The following RAB3GAP2 variants were observed in gnomAD, a reference collection of about 807,000 sequenced individuals.
The protein encoded by RAB3GAP2 is RAB3 GTPase activating non-catalytic protein subunit 2, also known as rab3 GTPase-activating protein non-catalytic subunit.
RAB3GAP2 carries 87 observed loss-of-function variants against 185.3 expected under a neutral mutation model. The observed-to-expected ratio is 0.47, with a 90% CI of 0.39 to 0.56. RAB3GAP2 has a LOEUF of 0.56. RAB3GAP2 is among the 20% of genes least tolerant of loss of function. The pLI, the probability that RAB3GAP2 is intolerant of heterozygous loss-of-function variation, is 0.00. For synonymous variants in RAB3GAP2, 554 were observed against 576.1 expected (o/e 0.96, Z 0.55); for missense variants, 1,492 against 1,638.2 (o/e 0.91, Z 1.54).
At chr1:220,258,462 T>C (rs1364947487) in intron 1 of RAB3GAP2, among the ~76,000 whole-genome samples, 1 of 151,958 alleles carries the variant, frequency 6.6e-6, no homozygotes, top group Non-Finnish European at 1.5e-5. Flanking sequence ...ATTTATCACA[T>C]AAACAGAACT....
chr1:220,210,165 T>A (rs1659051936), intron 7 of RAB3GAP2, among the ~76,000 whole-genome samples: 1 of 152,200 alleles, frequency 6.6e-6, no homozygotes, highest in African/African-American at 2.4e-5. Context: ...AGGGTTTTAC[T>A]TTGTTGTAGA....
intron 1 of RAB3GAP2, 139 bp from the exon 2 acceptor site, chr1:220,233,002 A>G: frequency 1.4e-6 from 1 of 700,004 alleles, no homozygotes; most frequent in South Asian, 1.7e-5. Context: ...ACTGTGTTAT[A>G]CCAGGATTTT....
intron 31 of RAB3GAP2, among the ~76,000 whole-genome samples, chr1:220,154,892 T>C (rs1274966853): frequency 6.6e-6 from 1 of 152,026 alleles, no homozygotes; most frequent in Non-Finnish European, 1.5e-5. Context: ...AGGCTAATTT[T>C]TTTGTATTTT....
rs557341121 is a variant in RAB3GAP2 at position 220,159,503 on chromosome 1, C to T, written c.3226-82G>A. 6.4e-6 allele frequency: 7 copies of T among 1,100,164 alleles called. No individual in the cohort carries two copies. In the African/African-American group the frequency reaches 6.4e-5, roughly 10 times the overall value. The allele number at this position is 1,100,164 out of a possible 1,614,324, so 68.2% of individuals were successfully genotyped here. On this transcript the variant is annotated intron_variant, in intron 28 of 34. Coordinates refer to ENST00000358951, the MANE Select transcript of RAB3GAP2 (RefSeq NM_012414.4). ...CTATGGCACAAATAATAAAAAGTAA[C>T]CGAATTTAAAAACCGTAAATGGCGC...
chr1:220,161,760 T>A (rs1351304658), intron 28 of RAB3GAP2, among the ~76,000 whole-genome samples: 4 of 152,174 alleles, frequency 2.6e-5, no homozygotes, highest in African/African-American at 4.8e-5. Flanking sequence ...GGACTCAGAT[T>A]ACACAACAAC....
At position 220,257,800 on chromosome 1, in the gene RAB3GAP2, T is replaced by A. The variant is rs559089134; in HGVS notation, c.115+14423A>T. Among the ~76,000 whole-genome samples, 16 of 151,994 alleles carry A rather than the reference T, an allele frequency of 1.1e-4. No individual in the cohort carries two copies. The South Asian group carries it at 2.1e-3, about 20-fold the overall frequency. The stretch of plus-strand genomic sequence containing the variant: ...TCAATGCATTCAGGAGCTGGTTTTT[T>A]AAAAAAATTAATAAAATAGATAGAA... On this transcript the variant is annotated intron_variant, in intron 1 of 34. Transcript: ENST00000358951.
chr1:220,195,203 C>A, intron 11 of RAB3GAP2, 36 bp from the exon 12 acceptor site: 1 of 1,610,364 alleles, frequency 6.2e-7, no homozygotes, highest in South Asian at 1.1e-5. Flanking sequence ...TAAAACTGAG[C>A]TTCCAGGGTT....
rs549135701 is a variant in RAB3GAP2 at position 220,150,505 on chromosome 1, T to G, written c.*746A>C. On this transcript the variant is annotated 3_prime_UTR_variant, in exon 35 of 35. Transcript: ENST00000358951. The stretch of plus-strand genomic sequence containing the variant: ...TTTACAAGATAATACATTTTTACAG[T>G]GACCTGATGTGGATACAACTTTGCA... 1.3e-5 allele frequency: 2 copies of G among 151,756 alleles called. No homozygotes were observed. The highest frequency in any genetic ancestry group is 1.3e-4 in the Admixed American group (2 of 15,104). The allele number at this position is 151,756 out of a possible 1,614,324, so 9.4% of individuals were successfully genotyped here.
chr1:220,189,919 C>A, intron 16 of RAB3GAP2, 145 bp downstream of exon 16: 2 of 1,040,182 alleles, frequency 1.9e-6, no homozygotes, highest in East Asian at 2.6e-5. Context: ...AATTATAACA[C>A]CCTCTAGATG....
intron 7 of RAB3GAP2, among the ~76,000 whole-genome samples, chr1:220,210,028 T>G (rs1659049831): frequency 1.3e-5 from 2 of 152,214 alleles, no homozygotes; most frequent in African/African-American, 4.8e-5. Flanking sequence ...AAATTTTTTT[T>G]CTTTTACTCT....
chr1:220,149,176 AAGT>A lies in RAB3GAP2; in HGVS notation c.*2072_*2074del, dbSNP rs1657691952. On this transcript the variant is annotated 3_prime_UTR_variant, in exon 35 of 35. Transcript: ENST00000358951. ...TTTATTTATTTTAAAAGCCCTTGAT[AAGT>A]AGTAAAATATTTAACTGCTTTTCTT... 1.3e-5 allele frequency: 2 copies of A among 152,218 alleles called. No individual in the cohort carries two copies. The highest frequency in any genetic ancestry group is 2.4e-5 in the African/African-American group (1 of 41,460). The allele number at this position is 152,218 out of a possible 1,614,324, so 9.4% of individuals were successfully genotyped here. A position where few individuals can be genotyped will look rare whatever the true frequency, so the allele number is the denominator to read the frequency against.
intron 8 of RAB3GAP2, among the ~76,000 whole-genome samples, chr1:220,205,697 C>T (rs528094252): frequency 6.6e-6 from 1 of 152,170 alleles, no homozygotes; most frequent in Non-Finnish European, 1.5e-5. Context: ...CCAAAGGCAA[C>T]GTGTGAAGAG....
In RAB3GAP2 at chr1:220,151,639, A is replaced by G. The variant is rs774178629; in HGVS notation, c.3993T>C (p.Leu1331=). The G allele has an allele frequency of 1.7e-5, 28 of 1,612,138 alleles. No individual in the cohort carries two copies. The South Asian group carries it at 3.0e-4, about 17-fold the overall frequency. Reference sequence around the variant, plus strand: ...TCAGCCAAGTACACAGTGTGGGTGGAAGTCTGGCAAGCAGCTCCATTCCTT... The same window carrying G: ...TCAGCCAAGTACACAGTGTGGGTGGGAGTCTGGCAAGCAGCTCCATTCCTT... ...TKEGMELLAR[L]PPTLCTWLKA... Residue 1331 remains leucine (L), a synonymous_variant, in exon 34 of 35, where the codon CTT becomes CTC. Coordinates refer to ENST00000358951, the MANE Select transcript of RAB3GAP2 (RefSeq NM_012414.4).
In RAB3GAP2 at chr1:220,195,185, T is replaced by C. The variant is rs73098579; in HGVS notation, c.1041-18A>G. The C allele has an allele frequency of 1.2e-6, 2 of 1,613,458 alleles. No individual in the cohort carries two copies. The highest frequency in any genetic ancestry group is 1.7e-6 in the Non-Finnish European group (2 of 1,179,492). On this transcript the variant is annotated intron_variant, in intron 11 of 34. Transcript: ENST00000358951. ...GCCAACCACTGAAAAGAAAGAAAACTTAGAATATAAAACTGAGCTTCCAGG... is the reference window on the plus strand; with the variant it reads ...GCCAACCACTGAAAAGAAAGAAAACCTAGAATATAAAACTGAGCTTCCAGG...
chr1:220,210,469 T>C lies in RAB3GAP2; in HGVS notation c.531A>G (p.Ala177=). 6.2e-7 allele frequency: 1 copy of C among 1,614,016 alleles called. No homozygotes were observed. Among genetic ancestry groups the C allele is most frequent in the Non-Finnish European group, 8.5e-7 (1 of 1,179,870 alleles). The part of the protein sequence containing the change: ...FYTENGVLLL[A]QLLNEDPVLQ... Reference sequence around the variant, plus strand: ...GTACTGGGTCCTCATTCAAAAGCTGTGCAAGCAAGAGCACACCATTCTAGG... The same window carrying C: ...GTACTGGGTCCTCATTCAAAAGCTGCGCAAGCAAGAGCACACCATTCTAGG... Residue 177 remains alanine (A), a synonymous_variant, in exon 7 of 35, where the codon GCA becomes GCG. Coordinates refer to ENST00000358951, the MANE Select transcript of RAB3GAP2 (RefSeq NM_012414.4).
intron 2 of RAB3GAP2, chr1:220,219,318 A>G (rs1473689444): frequency 6.6e-6 from 1 of 152,290 alleles, no homozygotes; most frequent in Non-Finnish European, 1.5e-5. Context: ...AAGGAACTAC[A>G]GGGATCATTT....
chr1:220,202,887 A>C (rs1438348210), intron 8 of RAB3GAP2, among the ~76,000 whole-genome samples: 1 of 152,086 alleles, frequency 6.6e-6, no homozygotes, highest in Non-Finnish European at 1.5e-5. Context: ...AGGTTGCAGT[A>C]AGCTGAGATC....
At chr1:220,250,116 A>T (rs551389967) in intron 1 of RAB3GAP2, among the ~76,000 whole-genome samples, 1 of 152,214 alleles carries the variant, frequency 6.6e-6, no homozygotes, top group South Asian at 2.1e-4. Flanking sequence ...AGCTTGCACC[A>T]TGCACCGGGA....
At chr1:220,261,063 C>A (rs1660127333) in intron 1 of RAB3GAP2, among the ~76,000 whole-genome samples, 1 of 151,938 alleles carries the variant, frequency 6.6e-6, no homozygotes, top group Non-Finnish European at 1.5e-5. Context: ...TCTGATTTTA[C>A]ATACTTTAAA....
Sources: allele counts gnomAD v4.1 joint callset (sites outside exome capture counted in the v4.1 genomes callset), GRCh38; gene constraint gnomAD v4.1.1; transcripts MANE v1.5; gene names NCBI Gene and HGNC (gene_info 2026-07-23, HGNC 2026-07-21).